Variants in RNF17 observed in about 807,000 individuals in gnomAD.
RNF17 encodes spermatogenesis associated 23.
A neutral mutation model predicts 200.5 loss-of-function variants in RNF17; 31 were observed. That is an observed-to-expected ratio of 0.15 (90% CI 0.12 to 0.21). The LOEUF (loss-of-function observed/expected upper bound fraction) is 0.21. Ranked by LOEUF, RNF17 falls within the 10% of genes least tolerant of loss-of-function variation. The pLI is 1.00. For synonymous variants in RNF17, 606 were observed against 637.8 expected (o/e 0.95, Z 0.75); for missense variants, 1,628 against 1,905.1 (o/e 0.85, Z 2.71).
chr13:24,816,515 C>A (rs1383648030), intron 15 of RNF17, among the ~76,000 whole-genome samples: 1 of 152,150 alleles, frequency 6.6e-6, no homozygotes, highest in African/African-American at 2.4e-5. Flanking sequence ...CCCCTTTACA[C>A]ATATTTTCTT....
chr13:24,879,503 T>A (rs1477097917), intron 35 of RNF17, among the ~76,000 whole-genome samples: 1 of 152,188 alleles, frequency 6.6e-6, no homozygotes, highest in African/African-American at 2.4e-5. Flanking sequence ...TGGGCTGTCA[T>A]GACTCTGACA....
intron 20 of RNF17, among the ~76,000 whole-genome samples, chr13:24,844,320 G>A (rs1891005140): frequency 6.6e-6 from 1 of 152,114 alleles, no homozygotes; most frequent in East Asian, 1.9e-4. Flanking sequence ...TGTGGTAGAT[G>A]GTGATAAGGG....
chr13:24,825,604 C>T lies in RNF17; in HGVS notation c.2092-15C>T, dbSNP rs1436649414. On this transcript the variant is annotated splice_polypyrimidine_tract_variant and intron_variant, in intron 15 of 35. Coordinates refer to ENST00000255324, the MANE Select transcript of RNF17 (RefSeq NM_031277.3). Reference sequence around the variant, plus strand: ...TTTCTGTGAAATGACAGTGCTTTATCCCTTTATTTACTAGATAGAGGGCCT... The same window carrying T: ...TTTCTGTGAAATGACAGTGCTTTATTCCTTTATTTACTAGATAGAGGGCCT... The T allele has an allele frequency of 2.0e-6, 3 of 1,529,044 alleles. No individual in the cohort carries two copies. The highest frequency in any genetic ancestry group is 2.3e-5 in the South Asian group (2 of 87,424). The allele number at this position is 1,529,044 out of a possible 1,614,324, so 94.7% of individuals were successfully genotyped here.
intron 6 of RNF17, 124 bp downstream of exon 6, chr13:24,782,068 A>C: frequency 1.5e-6 from 1 of 689,118 alleles, no homozygotes; most frequent in Non-Finnish European, 2.5e-6. Context: ...GTAACTTTCA[A>C]ACAAGTTTGG....
At chr13:24,821,208 T>C (rs917834505) in intron 15 of RNF17, among the ~76,000 whole-genome samples, 6 of 152,206 alleles carry the variant, frequency 3.9e-5, no homozygotes, top group Non-Finnish European at 7.3e-5. Flanking sequence ...TTTTGCCGTT[T>C]TTATAAAGAC....
At chr13:24,816,007 G>A (rs1887361507) in intron 15 of RNF17, among the ~76,000 whole-genome samples, 1 of 152,202 alleles carries the variant, frequency 6.6e-6, no homozygotes, top group East Asian at 1.9e-4. Flanking sequence ...CAGTCCTCCC[G>A]CCTCAGCCTT....
At chr13:24,861,738 C>G (rs1291948142) in intron 27 of RNF17, among the ~76,000 whole-genome samples, 1 of 152,084 alleles carries the variant, frequency 6.6e-6, no homozygotes, top group African/African-American at 2.4e-5. Flanking sequence ...TAAGCTGAGA[C>G]TTAGTGGTCT....
At chr13:24,870,856 A>G in intron 32 of RNF17, 117 bp downstream of exon 32, 1 of 687,046 alleles carries the variant, frequency 1.5e-6, no homozygotes, top group South Asian at 2.6e-5. Flanking sequence ...TTCACTTTAC[A>G]TGCATGATTT....
intron 26 of RNF17, 44 bp downstream of exon 26, chr13:24,859,208 A>T (rs780160125): frequency 1.5e-6 from 2 of 1,377,738 alleles, no homozygotes; most frequent in Non-Finnish European, 2.0e-6. Context: ...GCTAAATGCT[A>T]TAGCATTAAA....
chr13:24,806,234 G>A (rs1459266283), intron 15 of RNF17, among the ~76,000 whole-genome samples: 6 of 152,170 alleles, frequency 3.9e-5, no homozygotes, highest in African/African-American at 1.4e-4. Context: ...TGGTGTATAT[G>A]TGCCATATTT....
At chr13:24,859,695 A>G (rs1892895314) in intron 26 of RNF17, among the ~76,000 whole-genome samples, 1 of 152,120 alleles carries the variant, frequency 6.6e-6, no homozygotes, top group African/African-American at 2.4e-5. Context: ...GTACTTCATC[A>G]TATATTCAGC....
chr13:24,870,378 C>A (rs1894126425), intron 31 of RNF17, among the ~76,000 whole-genome samples, 193 bp from the exon 32 acceptor site: 1 of 152,132 alleles, frequency 6.6e-6, no homozygotes, highest in Non-Finnish European at 1.5e-5. Context: ...GCCTCCATGC[C>A]CAGCCTAATC....
intron 18 of RNF17, among the ~76,000 whole-genome samples, chr13:24,836,952 C>A (rs1208696543): frequency 1.3e-5 from 2 of 152,086 alleles, no homozygotes; most frequent in Non-Finnish European, 2.9e-5. Context: ...AAGAACTCAC[C>A]AACCAACCAT....
chr13:24,764,848 A>G (rs1879364641), intron 1 of RNF17, among the ~76,000 whole-genome samples: 1 of 150,328 alleles, frequency 6.7e-6, no homozygotes, highest in Non-Finnish European at 1.5e-5. Context: ...GGCCTAAAAC[A>G]CTGTTTGGAA....
At chr13:24,769,422 C>T (rs1880333600) in intron 2 of RNF17, among the ~76,000 whole-genome samples, 1 of 152,202 alleles carries the variant, frequency 6.6e-6, no homozygotes, top group South Asian at 2.1e-4. Context: ...CATCCCCACA[C>T]CCACCTACTG....
At chr13:24,841,481 T>G (rs768809736) in intron 18 of RNF17, among the ~76,000 whole-genome samples, 1 of 152,204 alleles carries the variant, frequency 6.6e-6, no homozygotes. Flanking sequence ...TTTGAGCTGA[T>G]TTCTTTATAT....
intron 10 of RNF17, chr13:24,794,105 A>G (rs1273843711): frequency 2.4e-6 from 1 of 416,592 alleles, no homozygotes; most frequent in South Asian, 1.7e-5. Context: ...CTAGCATGTC[A>G]TTGTTAACAT....
At chr13:24,871,958 CTTTTTTTTTTTTTT>C (rs60797153) in intron 32 of RNF17, among the ~76,000 whole-genome samples, 16,558 of 72,126 alleles carry the variant, frequency 0.23, 1,360 homozygotes, top group Middle Eastern at 0.34. Context: ...TTATTGATGA[CTTTTTTTTTTTTTT>C]TTTTTTTTTT....
intron 15 of RNF17, among the ~76,000 whole-genome samples, chr13:24,807,379 T>G (rs1294985602): frequency 1.3e-5 from 2 of 151,826 alleles, no homozygotes; most frequent in Non-Finnish European, 3.0e-5. Context: ...TGGTTTTGAT[T>G]TGCATTTCTC....
Sources: gnomAD v4.1 joint callset for allele counts (sites outside exome capture counted in the v4.1 genomes callset) on GRCh38, gnomAD v4.1.1 for gene constraint, MANE v1.5 for transcripts, NCBI Gene and HGNC (gene_info 2026-07-23, HGNC 2026-07-21) for gene names.